The following IPCEF1 variants were observed in gnomAD, a reference collection of about 807,000 sequenced individuals.
IPCEF1 encodes interaction protein for cytohesin exchange factors 1.
In IPCEF1, 31 loss-of-function variants were observed where a neutral mutation model predicts 50.9. That is an observed-to-expected ratio of 0.61 (90% CI 0.46 to 0.82). The LOEUF (loss-of-function observed/expected upper bound fraction) is 0.82. IPCEF1 is among the 40% of genes least tolerant of loss of function. The pLI, the probability that IPCEF1 is intolerant of heterozygous loss-of-function variation, is 0.00. For synonymous variants in IPCEF1, 181 were observed against 192.0 expected (o/e 0.94, Z 0.47); for missense variants, 458 against 514.0 (o/e 0.89, Z 1.05).
intron 5 of IPCEF1, among the ~76,000 whole-genome samples, chr6:154,230,503 T>A (rs1779634384): frequency 6.6e-6 from 1 of 152,208 alleles, no homozygotes; most frequent in Non-Finnish European, 1.5e-5. Flanking sequence ...ACAAGTATTT[T>A]GGAAAATATA....
intron 1 of IPCEF1, among the ~76,000 whole-genome samples, chr6:154,325,775 G>T (rs1318864231): frequency 6.6e-6 from 1 of 152,052 alleles, no homozygotes. Flanking sequence ...TTTTGACGGT[G>T]AATATATTTA....
chr6:154,314,406 T>C (rs1471224438), intron 1 of IPCEF1, among the ~76,000 whole-genome samples: 1 of 152,096 alleles, frequency 6.6e-6, no homozygotes, highest in Non-Finnish European at 1.5e-5. Context: ...GAGCCCATAA[T>C]TAAAAATAGA....
chr6:154,321,836 G>A (rs1241073857), intron 1 of IPCEF1, among the ~76,000 whole-genome samples: 1 of 146,862 alleles, frequency 6.8e-6, no homozygotes, highest in Non-Finnish European at 1.5e-5. Flanking sequence ...CTTTTAGAAG[G>A]TAGAGGAGGA....
intron 3 of IPCEF1, among the ~76,000 whole-genome samples, chr6:154,252,787 T>C (rs1781369308): frequency 6.6e-6 from 1 of 152,152 alleles, no homozygotes; most frequent in African/African-American, 2.4e-5. Context: ...GGTTGAGAGA[T>C]GAGTGGGAAT....
intron 10 of IPCEF1, among the ~76,000 whole-genome samples, chr6:154,174,247 G>C (rs1330466439): frequency 1.4e-4 from 21 of 152,146 alleles, no homozygotes; most frequent in Admixed American, 1.4e-3. Flanking sequence ...ATCAATGCTA[G>C]GAAGAAACTG....
intron 7 of IPCEF1, among the ~76,000 whole-genome samples, chr6:154,215,257 C>T (rs971496496): frequency 1.4e-4 from 22 of 151,774 alleles, no homozygotes; most frequent in African/African-American, 3.1e-4. Flanking sequence ...GGAATCCTTA[C>T]GCAACCCTCA....
intron 10 of IPCEF1, among the ~76,000 whole-genome samples, chr6:154,195,393 C>T (rs1776529759): frequency 1.3e-5 from 2 of 151,886 alleles, no homozygotes; most frequent in Admixed American, 6.6e-5. Flanking sequence ...GTGATCCGCC[C>T]ACCTCGGCCT....
At chr6:154,192,318 C>CTGTGTGTGTGTGTGTGTGTGTGTG (rs56231733) in intron 10 of IPCEF1, among the ~76,000 whole-genome samples, 2 of 148,030 alleles carry the variant, frequency 1.4e-5, no homozygotes, top group Admixed American at 6.7e-5. Flanking sequence ...CACGTGGTTA[C>CTGTGTGTGTGTGTGTGTGTGTGTG]TGTGTGTGTG....
intron 3 of IPCEF1, among the ~76,000 whole-genome samples, chr6:154,256,733 A>T (rs1211995714): frequency 6.6e-6 from 1 of 152,214 alleles, no homozygotes; most frequent in African/African-American, 2.4e-5. Flanking sequence ...AGAATCTTGC[A>T]CACATGGTCC....
intron 1 of IPCEF1, among the ~76,000 whole-genome samples, chr6:154,330,409 AC>A (rs1427114083): frequency 7.1e-5 from 10 of 140,484 alleles, no homozygotes; most frequent in African/African-American, 2.7e-4. Context: ...ATCATAGCTC[AC>A]TATATAGCCT....
chr6:154,324,757 G>A (rs886180582), intron 1 of IPCEF1, among the ~76,000 whole-genome samples: 1 of 152,136 alleles, frequency 6.6e-6, no homozygotes, highest in African/African-American at 2.4e-5. Context: ...GCAGTGAGCT[G>A]AGATCGCGCT....
rs184146862 is a variant in IPCEF1 at position 154,284,729 on chromosome 6, C to T, written c.-18+4984G>A. 2.8e-3 allele frequency among the ~76,000 whole-genome samples: 427 copies of T among 152,274 alleles called. 12 individuals carry two copies. Among genetic ancestry groups the T allele is most frequent in the Non-Finnish European group, 8.5e-4 (58 of 68,020 alleles). On this transcript the variant is annotated intron_variant, in intron 2 of 11. Coordinates refer to ENST00000367220, the MANE Select transcript of IPCEF1 (RefSeq NM_001130700.2). Reference sequence around the variant, plus strand: ...AAGAAATCAGAGTTATAGCCAGGCACAGTGGCTCACGCCTATAATTCCAGC... The same window carrying T: ...AAGAAATCAGAGTTATAGCCAGGCATAGTGGCTCACGCCTATAATTCCAGC...
chr6:154,270,635 TTAAA>T (rs1187249319), intron 2 of IPCEF1, among the ~76,000 whole-genome samples: 10 of 152,350 alleles, frequency 6.6e-5, no homozygotes, highest in South Asian at 2.1e-4. Flanking sequence ...ATTTTTTGGC[TTAAA>T]TAATTTTGTC....
intron 1 of IPCEF1, among the ~76,000 whole-genome samples, chr6:154,331,705 A>G (rs574357241): frequency 6.6e-6 from 1 of 152,294 alleles, no homozygotes; most frequent in South Asian, 2.1e-4. Context: ...TTAAGCTGGT[A>G]TATGACCTTC....
At chr6:154,275,281 T>C (rs1217017370) in intron 2 of IPCEF1, among the ~76,000 whole-genome samples, 1 of 152,170 alleles carries the variant, frequency 6.6e-6, no homozygotes, top group Non-Finnish European at 1.5e-5. Context: ...CTACATCATA[T>C]GAGACAAAGG....
At chr6:154,333,371 C>T (rs993517694) in intron 1 of IPCEF1, among the ~76,000 whole-genome samples, 2 of 151,830 alleles carry the variant, frequency 1.3e-5, no homozygotes, top group African/African-American at 4.8e-5. Context: ...AAAGGCAAGA[C>T]TGGCTTAGCC....
intron 7 of IPCEF1, 119 bp downstream of exon 7, chr6:154,221,138 C>T: frequency 2.7e-6 from 2 of 730,288 alleles, no homozygotes; most frequent in Non-Finnish European, 2.2e-6. Flanking sequence ...ATAAATTAAT[C>T]CTTAAAGTAA....
intron 1 of IPCEF1, among the ~76,000 whole-genome samples, chr6:154,333,973 C>A (rs756629218): frequency 6.6e-6 from 1 of 152,008 alleles, no homozygotes; most frequent in South Asian, 2.1e-4. Context: ...TCATGTACAA[C>A]GGATAGCACT....
chr6:154,262,190 G>C (rs937711243), intron 3 of IPCEF1, among the ~76,000 whole-genome samples: 1 of 152,222 alleles, frequency 6.6e-6, no homozygotes, highest in Non-Finnish European at 1.5e-5. Flanking sequence ...CTGGCTGATT[G>C]ACTCTAGGAG....
Sources: allele counts gnomAD v4.1 joint callset (sites outside exome capture counted in the v4.1 genomes callset), GRCh38; gene constraint gnomAD v4.1.1; transcripts MANE v1.5; gene names NCBI Gene and HGNC (gene_info 2026-07-23, HGNC 2026-07-21).